RNF122: variants seen among roughly 807,000 people sequenced by gnomAD.
RNF122 encodes the protein ring finger protein 122.
RNF122 carries 17 observed loss-of-function variants against 24.2 expected under a neutral mutation model. The ratio of observed to expected loss-of-function variants is 0.70; its 90% confidence interval spans 0.48 to 1.06. RNF122 has a LOEUF of 1.06. Ranked by LOEUF, RNF122 falls within the 50% of genes least tolerant of loss-of-function variation. The pLI is 0.00. For missense variants in RNF122, 168 were observed against 198.1 expected, an observed-to-expected ratio of 0.85 and a Z score of 0.91; for synonymous variants, 65 against 71.8, an observed-to-expected ratio of 0.91 and a Z score of 0.48.
At chr8:33,562,919 G>A (rs778507900) in intron 1 of RNF122, among the ~76,000 whole-genome samples, 14 of 151,760 alleles carry the variant, frequency 9.2e-5, no homozygotes, top group Non-Finnish European at 1.8e-4. Context: ...AGAGACTCCC[G>A]TCTCTAAACA....
rs1037621900 is a variant in RNF122, at chr8:33,566,877, G to C, written c.-154C>G. 142 of 782,136 alleles carry C rather than the reference G, an allele frequency of 1.8e-4. No individual in the cohort carries two copies. The African/African-American group carries it at 2.2e-3, about 12-fold the overall frequency. The allele number at this position is 782,136 out of a possible 1,614,324, so 48.4% of individuals were successfully genotyped here. ...GGAGAAGCCGAACTCCCTCCGGAGT[G>C]GGGGGCTTTGACGAGGCTGGTGTTC... On this transcript the variant is annotated 5_prime_UTR_variant, in exon 1 of 6. Transcript: ENST00000256257.
intron 3 of RNF122, 126 bp from the exon 4 acceptor site, chr8:33,551,211 G>C: frequency 6.9e-7 from 1 of 1,458,528 alleles, no homozygotes. Flanking sequence ...ACACTGAAGG[G>C]GTTTAGCCTC....
chr8:33,548,946 C>T (rs973573861), intron 5 of RNF122, 79 bp from the exon 6 acceptor site: 4 of 1,018,496 alleles, frequency 3.9e-6, no homozygotes, highest in South Asian at 2.6e-5. Context: ...AAGAATATCC[C>T]GTGGTGGCTC....
intron 2 of RNF122, among the ~76,000 whole-genome samples, chr8:33,551,769 G>C (rs779712578): frequency 1.4e-4 from 22 of 152,114 alleles, no homozygotes; most frequent in Non-Finnish European, 8.8e-5. Context: ...TGCATAAAAG[G>C]GTTATTTCTG....
Position 33,566,982 on chromosome 8 carries a change from C to T in RNF122, c.-259G>A. 2.0e-6 allele frequency: 1 copy of T among 503,564 alleles called. No homozygotes were observed. The highest frequency in any genetic ancestry group is 2.1e-5 in the African/African-American group (1 of 48,672). The allele number at this position is 503,564 out of a possible 1,614,324, so 31.2% of individuals were successfully genotyped here. A position where few individuals can be genotyped will look rare whatever the true frequency, so the allele number is the denominator to read the frequency against. On this transcript the variant is annotated 5_prime_UTR_variant, in exon 1 of 6. Transcript: ENST00000256257. ...GCACGGAGCGCACGCGCCAAGGGCC[C>T]CGGGCTGGGGGAATGTGGGGCGCCG...
chr8:33,566,644 G>C (rs1810629034), intron 1 of RNF122, 55 bp downstream of exon 1: 1 of 1,559,736 alleles, frequency 6.4e-7, no homozygotes, highest in African/African-American at 1.4e-5. Context: ...CTCGCACCCC[G>C]CGCCGCGGCT....
intron 2 of RNF122, among the ~76,000 whole-genome samples, chr8:33,553,914 C>T (rs1810413147): frequency 6.6e-6 from 1 of 152,212 alleles, no homozygotes; most frequent in Non-Finnish European, 1.5e-5. Flanking sequence ...GGCAGCCCAT[C>T]CACCGTCCCC....
chr8:33,551,208 A>G, intron 3 of RNF122, 123 bp from the exon 4 acceptor site: 1 of 1,464,378 alleles, frequency 6.8e-7, no homozygotes, highest in Non-Finnish European at 9.6e-7. Context: ...CAGACACTGA[A>G]GGGGTTTAGC....
rs368466078 is a variant in RNF122 at position 33,555,076 on chromosome 8, A to G, written c.182+3539T>C. ...AGGGTCAGCAGGCTTCAGGCAGGCT[A>G]CAGACCAGGGCAGGGTGACGAAGGA... On this transcript the variant is annotated intron_variant, in intron 2 of 5. Transcript: ENST00000256257. Among the ~76,000 whole-genome samples the G allele has an allele frequency of 2.6e-5, 4 of 152,344 alleles. No homozygotes were observed. In the South Asian group the frequency reaches 8.3e-4, roughly 32 times the overall value.
chr8:33,558,496 T>C (rs2128839870), intron 2 of RNF122, 119 bp downstream of exon 2: 1 of 704,808 alleles, frequency 1.4e-6, no homozygotes, highest in South Asian at 3.3e-5. Flanking sequence ...GTCCTCAAAG[T>C]GGTGGCTCCA....
chr8:33,559,840 G>GT lies in RNF122; in HGVS notation c.26-1070dup, dbSNP rs34393992. ...GCCTAACTGAATCAGGACCTACGCT[G>GT]TTTTTTTTTTTTTTTTTTTTAAACA... On this transcript the variant is annotated intron_variant, in intron 1 of 5. Transcript: ENST00000256257. Among the ~76,000 whole-genome samples, 600 of 131,406 alleles carry GT rather than the reference G, an allele frequency of 4.6e-3. 1 individual carries two copies. Among genetic ancestry groups the GT allele is most frequent in the East Asian group, 6.5e-3 (29 of 4,454 alleles). The allele number at this position is 131,406 out of a possible 152,430, so 86.2% of individuals were successfully genotyped here. A position where few individuals can be genotyped will look rare whatever the true frequency, so the allele number is the denominator to read the frequency against.
chr8:33,551,063 T>C lies in RNF122; in HGVS notation c.251A>G (p.Lys84Arg). The C allele has an allele frequency of 1.2e-6, 2 of 1,614,152 alleles. No individual in the cohort carries two copies. The highest frequency in any genetic ancestry group is 1.7e-5 in the Admixed American group (1 of 60,012). The change falls in exon 4 of 6, where the codon AAG becomes AGG. Residue 84 changes from lysine (K) to arginine (R), a missense_variant. Transcript: ENST00000256257. ...ACTTACCCCATATAATTGTAACTTCTTGGCATCACCTTTAAGCACCACCTG... is the reference window on the plus strand; with the variant it reads ...ACTTACCCCATATAATTGTAACTTCCTGGCATCACCTTTAAGCACCACCTG... ...YKEVVLKGDA[K>R]KLQLYGQTCA... is the part of the protein sequence containing the mutation.
intron 1 of RNF122, among the ~76,000 whole-genome samples, chr8:33,559,027 G>A (rs1475796762): frequency 6.6e-6 from 1 of 152,146 alleles, no homozygotes; most frequent in Non-Finnish European, 1.5e-5. Flanking sequence ...AGGCAAGCTG[G>A]GTGTGGTGGC....
intron 4 of RNF122, among the ~76,000 whole-genome samples, chr8:33,549,773 A>G (rs977737874): frequency 5.2e-5 from 7 of 135,298 alleles, no homozygotes; most frequent in African/African-American, 2.4e-4. Context: ...ATTGAATGGC[A>G]TGGATATAGA....
At chr8:33,549,858 T>C (rs1455080237) in intron 4 of RNF122, among the ~76,000 whole-genome samples, 1 of 152,228 alleles carries the variant, frequency 6.6e-6, no homozygotes, top group African/African-American at 2.4e-5. Context: ...AATCCTTTCT[T>C]GCCCAATACA....
At chr8:33,562,867 G>C (rs1401082075) in intron 1 of RNF122, among the ~76,000 whole-genome samples, 2 of 152,304 alleles carry the variant, frequency 1.3e-5, no homozygotes, top group African/African-American at 4.8e-5. Flanking sequence ...AGGTTGCAGT[G>C]AGCGGAGATC....
At chr8:33,562,474 C>T (rs749044103) in intron 1 of RNF122, among the ~76,000 whole-genome samples, 3 of 146,388 alleles carry the variant, frequency 2.0e-5, no homozygotes, top group African/African-American at 7.7e-5. Context: ...TCTGAGAGGT[C>T]GAGGCTGCAG....
chr8:33,559,472 G>A (rs1810507359), intron 1 of RNF122, among the ~76,000 whole-genome samples: 1 of 152,058 alleles, frequency 6.6e-6, no homozygotes, highest in South Asian at 2.1e-4. Context: ...TTACCTCTAA[G>A]CTTCACTTTG....
Position 33,549,499 on chromosome 8 carries a change from A to G in RNF122, c.271-7T>C. 6.2e-7 allele frequency: 1 copy of G among 1,611,056 alleles called. No individual in the cohort carries two copies. The highest frequency in any genetic ancestry group is 8.5e-7 in the Non-Finnish European group (1 of 1,177,230). On this transcript the variant is annotated splice_region_variant and splice_polypyrimidine_tract_variant and intron_variant, in intron 4 of 5. Coordinates refer to ENST00000256257, the MANE Select transcript of RNF122 (RefSeq NM_024787.3). ...GACAGACTGCGCAGGTCTGCTGCAG[A>G]GAGAAAAGAGCAGGTGTGTGAGGAA...
Sources: gnomAD v4.1 joint callset for allele counts (sites outside exome capture counted in the v4.1 genomes callset) on GRCh38, gnomAD v4.1.1 for gene constraint, MANE v1.5 for transcripts, NCBI Gene and HGNC (gene_info 2026-07-23, HGNC 2026-07-21) for gene names.